CHUK: variants seen among roughly 807,000 people sequenced by gnomAD.
The protein encoded by CHUK is inhibitor of nuclear factor kappa-B kinase subunit alpha.
CHUK carries 35 observed loss-of-function variants against 104.8 expected under a neutral mutation model. That is an observed-to-expected ratio of 0.33 (90% CI 0.26 to 0.44). CHUK has a LOEUF of 0.44. Ranked by LOEUF, CHUK falls within the 20% of genes least tolerant of loss-of-function variation. The pLI is 1.00. For synonymous variants in CHUK, 276 were observed against 291.9 expected (o/e 0.95, Z 0.56); for missense variants, 663 against 902.7 (o/e 0.73, Z 3.40).
At chr10:100,193,484 T>A in intron 18 of CHUK, 53 bp from the exon 19 acceptor site, 1 of 1,600,730 alleles carries the variant, frequency 6.2e-7, no homozygotes. Context: ...TCTCTGTTGA[T>A]TCACACAATT....
chr10:100,223,949 T>C (rs1846045538), intron 2 of CHUK, among the ~76,000 whole-genome samples: 1 of 152,252 alleles, frequency 6.6e-6, no homozygotes, highest in African/African-American at 2.4e-5. Flanking sequence ...TTTTAAGAGC[T>C]TAACTCTCCT....
downstream of CHUK, chr10:100,187,060 C>T (rs1177850374): frequency 2.6e-5 from 4 of 152,458 alleles, no homozygotes; most frequent in East Asian, 1.9e-4. Context: ...GAGCTCAAGG[C>T]GATAATGCTC....
At position 100,228,991 on chromosome 10, in the gene CHUK, G is replaced by GCACACACACA. The variant is rs576139683; in HGVS notation, c.105+436_105+437insTGTGTGTGTG. Among the ~76,000 whole-genome samples, 530 of 114,948 alleles carry GCACACACACA rather than the reference G, an allele frequency of 4.6e-3. 2 individuals carry two copies. The highest frequency in any genetic ancestry group is 0.011 in the African/African-American group (342 of 29,984). The allele number at this position is 114,948 out of a possible 152,430, so 75.4% of individuals were successfully genotyped here. The stretch of plus-strand genomic sequence containing the variant: ...ATGGCCTCCAAGCGCGCGCGCGCGC[G>GCACACACACA]CGCACACACACACACACACACACAC... On this transcript the variant is annotated intron_variant, in intron 1 of 20. Coordinates refer to ENST00000370397, the MANE Select transcript of CHUK (RefSeq NM_001278.5).
rs941679691 is a variant in CHUK, at chr10:100,208,310, T to C, written c.1129-978A>G. Among the ~76,000 whole-genome samples the C allele has an allele frequency of 3.9e-5, 6 of 152,288 alleles. No individual in the cohort carries two copies. The East Asian group carries it at 1.2e-3, about 29-fold the overall frequency. ...TTTGTAGAGACAGGGCTTCAACATG[T>C]TGCTCAGGCAGGTCTCGAACTCTTG... On this transcript the variant is annotated intron_variant, in intron 10 of 20. Coordinates refer to ENST00000370397, the MANE Select transcript of CHUK (RefSeq NM_001278.5).
At chr10:100,190,535 C>G in intron 20 of CHUK, 1 of 336,372 alleles carries the variant, frequency 3.0e-6, no homozygotes, top group Non-Finnish European at 5.7e-6. Flanking sequence ...AATTAAAGTA[C>G]AAGTCCCATC....
chr10:100,209,497 C>T (rs527519169), intron 10 of CHUK, 98 bp downstream of exon 10: 12 of 751,834 alleles, frequency 1.6e-5, no homozygotes, highest in East Asian at 7.9e-5. Flanking sequence ...ACAAAATGTG[C>T]GGCCTCCCAA....
At chr10:100,221,626 T>TAAAATATCCTAG (rs1460136184) in intron 4 of CHUK, among the ~76,000 whole-genome samples, 1 of 152,118 alleles carries the variant, frequency 6.6e-6, no homozygotes, top group East Asian at 1.9e-4. Context: ...AAATAAATAA[T>TAAAATATCCTAG]AAAATATCCT....
At chr10:100,205,278 G>A in intron 11 of CHUK, 79 bp from the exon 12 acceptor site, 1 of 1,419,842 alleles carries the variant, frequency 7.0e-7, no homozygotes, top group Non-Finnish European at 9.9e-7. Context: ...ATCATTCTTT[G>A]TGATTTCCTG....
intron 19 of CHUK, chr10:100,192,551 A>C: frequency 1.0e-6 from 1 of 956,086 alleles, no homozygotes; most frequent in East Asian, 1.2e-4. Flanking sequence ...CAGTGATGTA[A>C]CATGGCTGCA....
Position 100,193,401 on chromosome 10 carries a change from A to T in CHUK, c.2005T>A (p.Ser669Thr), listed in dbSNP as rs747948969. The T allele has an allele frequency of 6.2e-7, 1 of 1,614,164 alleles. No individual in the cohort carries two copies. Among genetic ancestry groups the T allele is most frequent in the South Asian group, 1.1e-5 (1 of 91,088 alleles). ...TQSSARSLVG[S>T]SLEGAVTPQT... ...GGGGTTACTGCACCTTCTAGACTGGATCCTACAAGGGACCGGGCAGAACTC... is the reference window on the plus strand; with the variant it reads ...GGGGTTACTGCACCTTCTAGACTGGTTCCTACAAGGGACCGGGCAGAACTC... Residue 669 changes from serine to threonine, a missense_variant, in exon 19 of 21, where the codon TCC (serine) becomes ACC (threonine). Physicochemically the swap from Ser to Thr is moderately conservative, Grantham distance 58 (BLOSUM62 1). This residue lies in a region of CHUK where 311 missense variants were observed against 393.4 expected (regional missense o/e 0.79). Coordinates refer to ENST00000370397, the MANE Select transcript of CHUK (RefSeq NM_001278.5).
chr10:100,195,594 T>C (rs1845306853), intron 16 of CHUK: 1 of 152,168 alleles, frequency 6.6e-6, no homozygotes, highest in South Asian at 2.1e-4. Flanking sequence ...TATAACTAGC[T>C]CCTTAAGACA....
Position 100,222,902 on chromosome 10 carries a change from T to C in CHUK, c.279A>G (p.Leu93=). 8 of 1,602,838 alleles carry C rather than the reference T, an allele frequency of 5.0e-6. No homozygotes were observed. Among genetic ancestry groups the C allele is most frequent in the Non-Finnish European group, 6.8e-6 (8 of 1,169,870 alleles). The change falls in exon 3 of 21, where the codon CTA becomes CTG. Residue 93 remains leucine (L), a synonymous_variant. Transcript: ENST00000370397. The part of the protein sequence containing the change: ...LNILIHDVPL[L]AMEYCSGGDL... ...CTCCTCCAGAACAGTATTCCATTGC[T>C]AGAAGAGGCACATCATGAATCAAAA...
chr10:100,220,557 G>T (rs191677266), intron 5 of CHUK, 31 bp downstream of exon 5: 1 of 1,376,502 alleles, frequency 7.3e-7, no homozygotes, highest in Admixed American at 1.7e-5. Flanking sequence ...ATATTCAATA[G>T]GCATGAAACA....
intron 19 of CHUK, chr10:100,193,012 C>T (rs1845239222): frequency 2.4e-6 from 1 of 417,524 alleles, no homozygotes; most frequent in East Asian, 5.0e-5. Flanking sequence ...TAATAAGCAA[C>T]ATTTGAGCTA....
intron 9 of CHUK, among the ~76,000 whole-genome samples, chr10:100,210,380 C>T (rs1845703176): frequency 6.6e-6 from 1 of 152,172 alleles, no homozygotes; most frequent in African/African-American, 2.4e-5. Context: ...AGCCACCGCG[C>T]CCGGCCTAAG....
chr10:100,227,271 A>G (rs1846125899), intron 1 of CHUK, among the ~76,000 whole-genome samples: 1 of 152,236 alleles, frequency 6.6e-6, no homozygotes, highest in Admixed American at 6.5e-5. Context: ...CAACAACAAA[A>G]AAGTCGGAAT....
chr10:100,211,001 C>T (rs919633681), intron 9 of CHUK, among the ~76,000 whole-genome samples: 1 of 152,230 alleles, frequency 6.6e-6, no homozygotes, highest in Non-Finnish European at 1.5e-5. Context: ...CCATGCCTTA[C>T]ATTGACTAGT....
At chr10:100,193,473 A>G (rs781779327) in intron 18 of CHUK, 42 bp from the exon 19 acceptor site, 1 of 1,610,956 alleles carries the variant, frequency 6.2e-7, no homozygotes, top group South Asian at 1.1e-5. Flanking sequence ...ACAGGCAAGC[A>G]TCTCTGTTGA....
At chr10:100,214,964 G>C (rs902479304) in intron 9 of CHUK, among the ~76,000 whole-genome samples, 13 of 152,196 alleles carry the variant, frequency 8.5e-5, no homozygotes, top group Admixed American at 3.9e-4. Flanking sequence ...GCCAGGTGCA[G>C]TGGCTCATGC....
Sources: allele counts gnomAD v4.1 joint callset (sites outside exome capture counted in the v4.1 genomes callset), GRCh38; gene constraint gnomAD v4.1.1; regional missense constraint gnomAD v4.1.1; transcripts MANE v1.5; gene names NCBI Gene and HGNC (gene_info 2026-07-23, HGNC 2026-07-21).